Variants in SLC39A14 observed in about 807,000 individuals in gnomAD.
SLC39A14 encodes solute carrier family 39 member 14, also known as metal cation symporter ZIP14.
In SLC39A14, 19 loss-of-function variants were observed where a neutral mutation model predicts 45.5. The ratio of observed to expected loss-of-function variants is 0.42; its 90% CI spans 0.29 to 0.61. The LOEUF is 0.61. Ranked by LOEUF, SLC39A14 falls within the 20% of genes least tolerant of loss-of-function variation. The probability of loss-of-function intolerance (pLI) is 0.22; values close to 1 mark genes in which losing one functional copy is unlikely to be tolerated. For synonymous variants in SLC39A14, 264 were observed against 251.3 expected, an observed-to-expected ratio of 1.05 and a Z score of -0.48; for missense variants, 447 against 616.5, an observed-to-expected ratio of 0.73 and a Z score of 2.91.
intron 1 of SLC39A14, among the ~76,000 whole-genome samples, chr8:22,377,409 G>A (rs1833275859): frequency 6.6e-6 from 1 of 152,068 alleles, no homozygotes; most frequent in South Asian, 2.1e-4. Context: ...GGAGAATGCT[G>A]TTTAGAAACC....
rs1286151040 is a variant in SLC39A14 at position 22,376,668 on chromosome 8, G to T, written c.-16+9260G>T. Among the ~76,000 whole-genome samples the T allele has an allele frequency of 3.3e-5, 5 of 151,992 alleles. No individual in the cohort carries two copies. In the East Asian group the frequency reaches 9.7e-4, roughly 30 times the overall value. ...GCCGAGGCAGGCAAAGGCCGACGTC[G>T]GGAGTTCAAGACCAGCCTAGCCAAC... On this transcript the variant is annotated intron_variant, in intron 1 of 8. Transcript: ENST00000381237.
chr8:22,424,139 T>C (rs765328013), downstream of SLC39A14, among the ~76,000 whole-genome samples: 1 of 152,168 alleles, frequency 6.6e-6, no homozygotes, highest in Non-Finnish European at 1.5e-5. Flanking sequence ...TGTTGCATGA[T>C]AGAAGAATTG....
chr8:22,413,598 A>C (rs951697846), intron 4 of SLC39A14, among the ~76,000 whole-genome samples: 3 of 152,212 alleles, frequency 2.0e-5, no homozygotes, highest in Non-Finnish European at 4.4e-5. Flanking sequence ...GGCAACAAAC[A>C]GCCCAGAGTT....
At chr8:22,392,871 C>T (rs182503504) in intron 1 of SLC39A14, 1 of 152,272 alleles carries the variant, frequency 6.6e-6, no homozygotes, top group East Asian at 1.9e-4. Flanking sequence ...TAAGCCATTC[C>T]CTGTTTGTCT....
intron 8 of SLC39A14, among the ~76,000 whole-genome samples, chr8:22,433,025 A>G (rs1478803535): frequency 5.9e-5 from 9 of 151,846 alleles, no homozygotes; most frequent in Admixed American, 5.9e-4. Context: ...GCCGGTCTGG[A>G]ACTCCTGGGC....
intron 8 of SLC39A14, among the ~76,000 whole-genome samples, chr8:22,429,250 C>T (rs193249750): frequency 3.3e-3 from 496 of 152,106 alleles, no homozygotes; most frequent in Non-Finnish European, 5.5e-3. Flanking sequence ...CCAGCCTGGG[C>T]GACAGAGCCA....
At chr8:22,428,769 T>G (rs1173470950) in intron 8 of SLC39A14, among the ~76,000 whole-genome samples, 1 of 152,110 alleles carries the variant, frequency 6.6e-6, no homozygotes, top group East Asian at 1.9e-4. Context: ...ACATTTTGTT[T>G]GAAATGGAGG....
In SLC39A14 at chr8:22,433,598, C is replaced by T. The variant is rs935714299; in HGVS notation, c.1333-293C>T. ...TCACTCTGTCACCAAGGCTGGAATGCAGTGATGCGATCTTGGCTCACTGCA... is the reference window on the plus strand; with the variant it reads ...TCACTCTGTCACCAAGGCTGGAATGTAGTGATGCGATCTTGGCTCACTGCA... On this transcript the variant is annotated intron_variant, in intron 8 of 8. Transcript: ENST00000240095. 4.2e-5 allele frequency among the ~76,000 whole-genome samples: 6 copies of T among 141,972 alleles called. 1 individual carries two copies. The highest frequency in any genetic ancestry group is 2.2e-4 in the Admixed American group (3 of 13,406). 93.1% of individuals were successfully genotyped at this position (141,972 alleles called of 152,430 possible). A position where few individuals can be genotyped will look rare whatever the true frequency, so the allele number is the denominator to read the frequency against.
chr8:22,384,737 A>ACTG (rs1833694341), intron 1 of SLC39A14, among the ~76,000 whole-genome samples: 1 of 113,934 alleles, frequency 8.8e-6, no homozygotes, highest in Non-Finnish European at 1.7e-5. Flanking sequence ...ACAGAGTGAG[A>ACTG]CTGTCTTAAA....
chr8:22,429,354 G>C (rs565662780), intron 8 of SLC39A14, among the ~76,000 whole-genome samples: 1 of 152,262 alleles, frequency 6.6e-6, no homozygotes, highest in East Asian at 1.9e-4. Flanking sequence ...GACTATCTGT[G>C]TGATCTCTAA....
chr8:22,415,798 T>C lies in SLC39A14; in HGVS notation c.780T>C (p.Ser260=). ...EHHHGHSHYA[S]ESLPSKKDQE... ...ATCATGGACACAGCCATTATGCCTC[T>C]GAGTCGCTTCCCTCCAAGAAGGACC... The change falls in exon 6 of 9, where the codon TCT becomes TCC. Residue 260 remains serine, a synonymous_variant. Transcript: ENST00000381237. 6.2e-7 allele frequency: 1 copy of C among 1,613,120 alleles called. No homozygotes were observed. The highest frequency in any genetic ancestry group is 8.5e-7 in the Non-Finnish European group (1 of 1,179,794).
chr8:22,432,346 A>G (rs1230019521), intron 8 of SLC39A14, among the ~76,000 whole-genome samples: 2 of 152,080 alleles, frequency 1.3e-5, no homozygotes, highest in Admixed American at 1.3e-4. Context: ...AAATAAACAT[A>G]TAAATAAATA....
At chr8:22,409,677 T>G (rs528007114) in intron 3 of SLC39A14, among the ~76,000 whole-genome samples, 3 of 152,352 alleles carry the variant, frequency 2.0e-5, no homozygotes, top group African/African-American at 7.2e-5. Flanking sequence ...CCACCGCACC[T>G]GGCCTACTTG....
At position 22,421,433 on chromosome 8, in the gene SLC39A14, C is replaced by T. The variant is rs781582118; in HGVS notation, c.*1735C>T. On this transcript the variant is annotated 3_prime_UTR_variant, in exon 9 of 9. Transcript: ENST00000381237. ...GTTGGCTTCAATACATTTGAGAATA[C>T]GCTGAAGAGGGAAAATTTCAGTGAT... 11 of 985,502 alleles carry T rather than the reference C, an allele frequency of 1.1e-5. No individual in the cohort carries two copies. The highest frequency in any genetic ancestry group is 9.4e-5 in the South Asian group (2 of 21,286). The allele number at this position is 985,502 out of a possible 1,614,324, so 61.0% of individuals were successfully genotyped here. A position where few individuals can be genotyped will look rare whatever the true frequency, so the allele number is the denominator to read the frequency against.
chr8:22,374,194 G>T (rs957105566), intron 1 of SLC39A14, among the ~76,000 whole-genome samples: 4 of 152,214 alleles, frequency 2.6e-5, no homozygotes, highest in African/African-American at 9.6e-5. Context: ...GGTGGGGTTG[G>T]GGGGAGGTTG....
At chr8:22,409,247 G>A (rs1225392611) in intron 3 of SLC39A14, among the ~76,000 whole-genome samples, 1 of 152,208 alleles carries the variant, frequency 6.6e-6, no homozygotes, top group African/African-American at 2.4e-5. Context: ...AGCTGTGAGT[G>A]TACACCCTGA....
intron 1 of SLC39A14, among the ~76,000 whole-genome samples, chr8:22,385,475 G>A (rs754305929): frequency 4.6e-5 from 7 of 152,168 alleles, no homozygotes; most frequent in Non-Finnish European, 8.8e-5. Context: ...AAGAGGCGAC[G>A]CTTGAACTGA....
chr8:22,371,093 G>C (rs1832903598), intron 1 of SLC39A14, among the ~76,000 whole-genome samples: 1 of 152,222 alleles, frequency 6.6e-6, no homozygotes, highest in Non-Finnish European at 1.5e-5. Flanking sequence ...CAGAGACGCA[G>C]AGGCTGGGCC....
At chr8:22,391,737 T>G (rs1307969051) in intron 1 of SLC39A14, among the ~76,000 whole-genome samples, 2 of 152,118 alleles carry the variant, frequency 1.3e-5, no homozygotes, top group Non-Finnish European at 2.9e-5. Flanking sequence ...GCCCTGCTAA[T>G]TTTTGTATTT....
Sources: gnomAD v4.1 joint callset for allele counts (sites outside exome capture counted in the v4.1 genomes callset) on GRCh38, gnomAD v4.1.1 for gene constraint, MANE v1.5 for transcripts, NCBI Gene and HGNC (gene_info 2026-07-23, HGNC 2026-07-21) for gene names.